Variants in HIPK2 observed in about 807,000 individuals in gnomAD.
The protein encoded by HIPK2 is homeodomain-interacting protein kinase 2.
HIPK2 carries 27 observed loss-of-function variants against 113.7 expected under a neutral mutation model. The ratio of observed to expected loss-of-function variants is 0.24; its 90% CI spans 0.17 to 0.33. The LOEUF (loss-of-function observed/expected upper bound fraction) is 0.33, where lower values mean the gene tolerates loss of function less well. Ranked by LOEUF, HIPK2 falls within the 10% of genes least tolerant of loss-of-function variation. The pLI, the probability that HIPK2 is intolerant of heterozygous loss-of-function variation, is 1.00. For missense variants in HIPK2, 1,257 were observed against 1,588.0 expected (o/e 0.79, Z 3.54); for synonymous variants, 631 against 642.2 (o/e 0.98, Z 0.26).
intron 6 of HIPK2, 62 bp from the exon 7 acceptor site, chr7:139,620,625 G>C (rs1800202828): frequency 9.5e-6 from 15 of 1,578,690 alleles, no homozygotes; most frequent in Non-Finnish European, 1.3e-5. Context: ...GGTAACGTGG[G>C]ATGAAGGGGA....
At chr7:139,626,445 C>CA in intron 6 of HIPK2, 156 bp downstream of exon 6, 1 of 258,300 alleles carries the variant, frequency 3.9e-6, no homozygotes, top group Non-Finnish European at 6.1e-6. Flanking sequence ...CAGCCTCACT[C>CA]ATCTGTTTAT....
intron 7 of HIPK2, among the ~76,000 whole-genome samples, chr7:139,616,976 G>A (rs1413812321): frequency 2.0e-5 from 3 of 152,228 alleles, no homozygotes; most frequent in Non-Finnish European, 4.4e-5. Context: ...TAGACTCAAG[G>A]ACAAATGGCA....
chr7:139,581,373 C>T (rs60585115), intron 13 of HIPK2, among the ~76,000 whole-genome samples: 3 of 152,150 alleles, frequency 2.0e-5, no homozygotes, highest in Non-Finnish European at 4.4e-5. Flanking sequence ...CTCAGGTCCC[C>T]GGGGTTCTGG....
chr7:139,587,318 C>T (rs541534152), intron 12 of HIPK2, among the ~76,000 whole-genome samples: 29 of 151,720 alleles, frequency 1.9e-4, no homozygotes, highest in African/African-American at 4.4e-4. Flanking sequence ...GGTGAAAATC[C>T]GTCTCTACTA....
intron 1 of HIPK2, among the ~76,000 whole-genome samples, chr7:139,742,167 C>G (rs1796113919): frequency 6.6e-6 from 1 of 152,106 alleles, no homozygotes; most frequent in South Asian, 2.1e-4. Flanking sequence ...GTAGAAAGAA[C>G]AATGGAGTGG....
At chr7:139,671,284 A>C (rs1405004104) in intron 2 of HIPK2, among the ~76,000 whole-genome samples, 2 of 152,364 alleles carry the variant, frequency 1.3e-5, no homozygotes, top group Non-Finnish European at 2.9e-5. Context: ...TCTAAAGGTA[A>C]AAAGTAGAAT....
At chr7:139,635,823 C>T (rs1336421782) in intron 2 of HIPK2, among the ~76,000 whole-genome samples, 2 of 152,106 alleles carry the variant, frequency 1.3e-5, no homozygotes, top group Non-Finnish European at 2.9e-5. Flanking sequence ...CATGCTCTAG[C>T]GGCTCCCACG....
chr7:139,718,767 G>C (rs1191953348), intron 1 of HIPK2, among the ~76,000 whole-genome samples: 1 of 151,998 alleles, frequency 6.6e-6, no homozygotes, highest in Non-Finnish European at 1.5e-5. Context: ...GCCTTCATGT[G>C]CGTGCACACA....
At chr7:139,628,065 C>T (rs1323687127) in intron 5 of HIPK2, among the ~76,000 whole-genome samples, 3 of 152,164 alleles carry the variant, frequency 2.0e-5, no homozygotes, top group African/African-American at 7.2e-5. Context: ...AGAGGAGACA[C>T]AGGACAAAAG....
chr7:139,748,171 C>T (rs1462027200), intron 1 of HIPK2, among the ~76,000 whole-genome samples: 1 of 152,156 alleles, frequency 6.6e-6, no homozygotes, highest in Non-Finnish European at 1.5e-5. Context: ...CCGTGTTCTT[C>T]GGAAGCTGGT....
chr7:139,611,613 C>T (rs190370439), intron 9 of HIPK2, among the ~76,000 whole-genome samples: 1 of 152,242 alleles, frequency 6.6e-6, no homozygotes, highest in Non-Finnish European at 1.5e-5. Flanking sequence ...GTGATCATAG[C>T]TCACTGCAGC....
At chr7:139,657,559 C>T (rs908986212) in intron 2 of HIPK2, among the ~76,000 whole-genome samples, 3 of 152,198 alleles carry the variant, frequency 2.0e-5, no homozygotes, top group African/African-American at 7.2e-5. Context: ...CTGGGTAGAC[C>T]TTTACTCTCA....
intron 2 of HIPK2, among the ~76,000 whole-genome samples, chr7:139,643,504 G>T (rs1331540872): frequency 1.3e-5 from 2 of 152,094 alleles, no homozygotes; most frequent in East Asian, 3.9e-4. Context: ...AGAGGAGAAG[G>T]TTGCATCTGC....
At chr7:139,603,302 GA>G (rs1799503415) in intron 10 of HIPK2, among the ~76,000 whole-genome samples, 1 of 152,150 alleles carries the variant, frequency 6.6e-6, no homozygotes, top group Non-Finnish European at 1.5e-5. Context: ...AGGAGTTGGG[GA>G]CAACTTGGAG....
chr7:139,615,039 G>A (rs1799988082), intron 7 of HIPK2, among the ~76,000 whole-genome samples: 2 of 152,270 alleles, frequency 1.3e-5, no homozygotes, highest in Middle Eastern at 3.4e-3. Flanking sequence ...CAGCCTGCAC[G>A]TCCAAGCTCT....
At chr7:139,682,989 A>G (rs1416483034) in intron 2 of HIPK2, among the ~76,000 whole-genome samples, 1 of 152,246 alleles carries the variant, frequency 6.6e-6, no homozygotes, top group Non-Finnish European at 1.5e-5. Context: ...CTGGGAAATG[A>G]CAGAGCAGCA....
chr7:139,763,814 G>A (rs913723376), intron 1 of HIPK2, among the ~76,000 whole-genome samples: 11 of 152,242 alleles, frequency 7.2e-5, no homozygotes, highest in Admixed American at 2.0e-4. Context: ...AAAAAGTTGC[G>A]CTGGTCAACA....
At chr7:139,647,091 A>G (rs1801259332) in intron 2 of HIPK2, among the ~76,000 whole-genome samples, 1 of 149,754 alleles carries the variant, frequency 6.7e-6, no homozygotes. Context: ...CTGCCAATTC[A>G]GCTCTTTCAC....
intron 2 of HIPK2, among the ~76,000 whole-genome samples, chr7:139,668,126 CAAAAAAA>C (rs35566561): frequency 1.8e-5 from 1 of 55,660 alleles, no homozygotes; most frequent in Non-Finnish European, 3.7e-5. Flanking sequence ...AACTCCATCT[CAAAAAAA>C]AAAAAAAAAA....
Sources: allele counts gnomAD v4.1 joint callset (sites outside exome capture counted in the v4.1 genomes callset), GRCh38; gene constraint gnomAD v4.1.1; transcripts MANE v1.5; gene names NCBI Gene and HGNC (gene_info 2026-07-23, HGNC 2026-07-21).